RIMS2: variants seen among roughly 807,000 people sequenced by gnomAD.
RIMS2 encodes the protein regulating synaptic membrane exocytosis 2, also known as regulating synaptic membrane exocytosis protein 2.
A neutral mutation model predicts 174.4 loss-of-function variants in RIMS2; 59 were observed. The observed-to-expected ratio is 0.34, with a 90% CI of 0.27 to 0.42. The LOEUF (loss-of-function observed/expected upper bound fraction) is 0.42, where lower values mean the gene tolerates loss of function less well. Among genes scored for constraint, RIMS2 ranks in the 10% least tolerant of loss-of-function variants. The pLI is 1.00. For missense variants in RIMS2, 1,620 were observed against 1,666.3 expected (o/e 0.97, Z 0.48); for synonymous variants, 606 against 572.5 (o/e 1.06, Z -0.84).
chr8:103,579,087 C>T (rs1359144139), intron 1 of RIMS2, among the ~76,000 whole-genome samples: 6 of 152,118 alleles, frequency 3.9e-5, no homozygotes, highest in Admixed American at 2.0e-4. Context: ...TGGGAGAATT[C>T]ACCACCATGA....
chr8:103,854,077 A>G (rs1564927100), intron 3 of RIMS2, among the ~76,000 whole-genome samples: 1 of 151,884 alleles, frequency 6.6e-6, no homozygotes, highest in Non-Finnish European at 1.5e-5. Flanking sequence ...TCAGTGTTTC[A>G]TAGTTCTCCT....
intron 19 of RIMS2, among the ~76,000 whole-genome samples, chr8:104,113,799 GT>G (rs541542041): frequency 2.6e-5 from 4 of 151,006 alleles, no homozygotes; most frequent in Admixed American, 1.3e-4. Flanking sequence ...CCCAAATTAT[GT>G]TTTTTTTCAA....
chr8:103,900,153 A>G (rs905741770), intron 4 of RIMS2, among the ~76,000 whole-genome samples: 11 of 151,510 alleles, frequency 7.3e-5, no homozygotes, highest in Non-Finnish European at 1.6e-4. Flanking sequence ...TCAGGTAGCC[A>G]TATCCAGCCA....
intron 3 of RIMS2, among the ~76,000 whole-genome samples, chr8:103,847,603 A>G (rs1379540803): frequency 1.3e-5 from 2 of 152,064 alleles, no homozygotes; most frequent in Non-Finnish European, 2.9e-5. Flanking sequence ...TGCTTTGGGC[A>G]GGAAAGGCAA....
At chr8:103,807,960 C>G (rs182372338) in intron 3 of RIMS2, among the ~76,000 whole-genome samples, 9 of 152,156 alleles carry the variant, frequency 5.9e-5, no homozygotes, top group African/African-American at 2.2e-4. Flanking sequence ...ATCAGATCTT[C>G]TGTTTTGGCT....
chr8:103,510,583 C>T (rs1586489837), intron 1 of RIMS2, among the ~76,000 whole-genome samples: 1 of 152,020 alleles, frequency 6.6e-6, no homozygotes, highest in Non-Finnish European at 1.5e-5. Flanking sequence ...GCTGTTCTTA[C>T]CTCCTAGAGG....
At chr8:103,542,991 A>G (rs756451122) in intron 1 of RIMS2, among the ~76,000 whole-genome samples, 86 of 152,332 alleles carry the variant, frequency 5.6e-4, no homozygotes, top group Non-Finnish European at 9.7e-4. Flanking sequence ...TACCACTTCT[A>G]TTCAATATAG....
intron 19 of RIMS2, among the ~76,000 whole-genome samples, chr8:104,087,488 T>C (rs1228546226): frequency 6.6e-6 from 1 of 152,066 alleles, no homozygotes; most frequent in Non-Finnish European, 1.5e-5. Flanking sequence ...GAAGCAGTGC[T>C]TCTCTTTGAA....
At chr8:103,951,102 A>G (rs1259162410) in intron 14 of RIMS2, among the ~76,000 whole-genome samples, 1 of 152,212 alleles carries the variant, frequency 6.6e-6, no homozygotes, top group East Asian at 1.9e-4. Flanking sequence ...CACATAATCA[A>G]AACTAAATAC....
intron 19 of RIMS2, among the ~76,000 whole-genome samples, chr8:104,149,362 G>T (rs1380220539): frequency 6.6e-6 from 1 of 152,144 alleles, no homozygotes; most frequent in Non-Finnish European, 1.5e-5. Flanking sequence ...TTATTTCCCT[G>T]TTAAAACTTC....
chr8:103,922,347 C>G (rs1345220000), intron 10 of RIMS2, among the ~76,000 whole-genome samples: 2 of 151,526 alleles, frequency 1.3e-5, no homozygotes, highest in Non-Finnish European at 3.0e-5. Context: ...TTAAGTGATC[C>G]CTGATTTGAA....
intron 19 of RIMS2, among the ~76,000 whole-genome samples, chr8:104,105,809 T>G (rs1055572888): frequency 2.0e-5 from 3 of 150,998 alleles, no homozygotes; most frequent in African/African-American, 7.3e-5. Flanking sequence ...GAGGCCGAGG[T>G]GGGCAGATCA....
intron 16 of RIMS2, among the ~76,000 whole-genome samples, chr8:103,978,141 T>C (rs538009259): frequency 6.6e-6 from 1 of 152,200 alleles, no homozygotes; most frequent in Non-Finnish European, 1.5e-5. Context: ...ATTCCGATGG[T>C]TTTAGGAACT....
chr8:103,912,264 G>T (rs1420371467), intron 6 of RIMS2, 92 bp downstream of exon 9: 1 of 880,576 alleles, frequency 1.1e-6, no homozygotes, highest in East Asian at 2.7e-5. Context: ...TACCAATTTA[G>T]TAGTGTATTT....
At chr8:103,870,319 T>C in intron 3 of RIMS2, among the ~76,000 whole-genome samples, 1 of 151,832 alleles carries the variant, frequency 6.6e-6, no homozygotes, top group East Asian at 1.9e-4. Flanking sequence ...TACCCACAAC[T>C]CAGTGCTAAG....
chr8:104,200,833 G>C (rs1350389385), intron 19 of RIMS2, among the ~76,000 whole-genome samples: 1 of 152,152 alleles, frequency 6.6e-6, no homozygotes, highest in Non-Finnish European at 1.5e-5. Context: ...AAGATCACTG[G>C]AGCCCAGGAG....
intron 19 of RIMS2, among the ~76,000 whole-genome samples, chr8:104,166,283 G>T (rs2098797626): frequency 6.6e-6 from 1 of 151,316 alleles, no homozygotes; most frequent in Admixed American, 6.6e-5. Context: ...AGCCAGGATG[G>T]TCTCGATCTC....
chr8:103,999,474 T>C (rs976415733), intron 17 of RIMS2, among the ~76,000 whole-genome samples: 2 of 151,802 alleles, frequency 1.3e-5, no homozygotes, highest in Non-Finnish European at 3.0e-5. Context: ...TTGTTGTTTT[T>C]TGTTTTTACT....
At chr8:103,665,349 C>T (rs1212999417) in intron 1 of RIMS2, among the ~76,000 whole-genome samples, 2 of 152,104 alleles carry the variant, frequency 1.3e-5, no homozygotes, top group Admixed American at 6.5e-5. Context: ...TTGAGATGTT[C>T]CTCCCTCAAA....
Sources: allele counts gnomAD v4.1 joint callset (sites outside exome capture counted in the v4.1 genomes callset), GRCh38; gene constraint gnomAD v4.1.1; transcripts MANE v1.5; gene names NCBI Gene and HGNC (gene_info 2026-07-23, HGNC 2026-07-21).